SHISA9: variants seen among roughly 807,000 people sequenced by gnomAD.
The protein encoded by SHISA9 is protein shisa-9.
A neutral mutation model predicts 38.0 loss-of-function variants in SHISA9; 13 were observed. The ratio of observed to expected loss-of-function variants is 0.34; its 90% confidence interval spans 0.22 to 0.54. SHISA9 has a LOEUF of 0.54. Ranked by LOEUF, SHISA9 falls within the 20% of genes least tolerant of loss-of-function variation. The pLI is 0.91. For missense variants in SHISA9, 538 were observed against 575.8 expected (o/e 0.93, Z 0.67); for synonymous variants, 275 against 242.0 (o/e 1.14, Z -1.27).
chr16:13,256,429 G>A, the SHISA9 span, among the ~76,000 whole-genome samples: 35 of 152,272 alleles, frequency 2.3e-4, no homozygotes, highest in African/African-American at 5.8e-4. Flanking sequence ...TTACAGGCAC[G>A]GGCCACCATG....
the SHISA9 span, among the ~76,000 whole-genome samples, chr16:13,308,936 AAAG>A: frequency 6.6e-6 from 1 of 152,240 alleles, no homozygotes; most frequent in African/African-American, 2.4e-5. Flanking sequence ...TGGATTGGAC[AAAG>A]AATAGTTAGT....
At chr16:13,152,362 G>A (rs569404304) in intron 2 of SHISA9, among the ~76,000 whole-genome samples, 6 of 152,272 alleles carry the variant, frequency 3.9e-5, no homozygotes, top group Admixed American at 1.3e-4. Context: ...ATTTGAATTT[G>A]AGGCTGCCAA....
the SHISA9 span, among the ~76,000 whole-genome samples, chr16:13,389,790 G>T: frequency 1.3e-5 from 2 of 152,194 alleles, no homozygotes; most frequent in African/African-American, 2.4e-5. Flanking sequence ...CTGATTTGCT[G>T]TGGAGGCTGC....
At chr16:13,169,366 C>T (rs1174622870) in intron 2 of SHISA9, among the ~76,000 whole-genome samples, 1 of 152,142 alleles carries the variant, frequency 6.6e-6, no homozygotes, top group Non-Finnish European at 1.5e-5. Flanking sequence ...TTGGCTGGGT[C>T]AGAATGCCAG....
intron 2 of SHISA9, among the ~76,000 whole-genome samples, chr16:13,078,956 A>G (rs1385449868): frequency 2.0e-5 from 3 of 152,164 alleles, no homozygotes; most frequent in Non-Finnish European, 4.4e-5. Context: ...AAGAAGCATA[A>G]CAGAATAGAT....
chr16:13,008,833 T>A (rs990814504), intron 2 of SHISA9, among the ~76,000 whole-genome samples: 1 of 152,090 alleles, frequency 6.6e-6, no homozygotes, highest in Non-Finnish European at 1.5e-5. Context: ...GTCTTAAGTA[T>A]GTCTTTAGAG....
At chr16:13,075,874 G>A (rs991745044) in intron 2 of SHISA9, among the ~76,000 whole-genome samples, 17 of 152,004 alleles carry the variant, frequency 1.1e-4, no homozygotes, top group Non-Finnish European at 2.1e-4. Flanking sequence ...TTGTTGCGGA[G>A]GATGGCCCTG....
the SHISA9 span, among the ~76,000 whole-genome samples, chr16:13,540,101 G>GCAA: frequency 6.6e-6 from 1 of 152,012 alleles, no homozygotes; most frequent in African/African-American, 2.4e-5. Context: ...GACTCCAAAA[G>GCAA]CAACAGTCTT....
chr16:13,367,633 G>A, the SHISA9 span, among the ~76,000 whole-genome samples: 1 of 115,326 alleles, frequency 8.7e-6, no homozygotes, highest in Non-Finnish European at 1.8e-5. Context: ...CTAACACAAG[G>A]TTAAATAGCA....
the SHISA9 span, among the ~76,000 whole-genome samples, chr16:13,473,527 T>C: frequency 2.0e-5 from 3 of 152,072 alleles, no homozygotes; most frequent in South Asian, 2.1e-4. Flanking sequence ...AGTTGAATAA[T>C]TGATTTTTCC....
intron 2 of SHISA9, among the ~76,000 whole-genome samples, chr16:13,024,037 T>G (rs778007052): frequency 6.6e-6 from 1 of 152,238 alleles, no homozygotes; most frequent in Non-Finnish European, 1.5e-5. Context: ...ATGCCTTTTA[T>G]GTGCGAGGAA....
rs138613947 is a variant in SHISA9 at position 13,034,936 on chromosome 16, T to G, written c.691+118121T>G. ...TGAGCTAAGCTGAGACTGAAAGATC[T>G]GCCCAGCTGATCCTAGACTAAATAA... On this transcript the variant is annotated intron_variant, in intron 2 of 4. Coordinates refer to ENST00000558583, the MANE Select transcript of SHISA9 (RefSeq NM_001145204.3). 1.1e-3 allele frequency among the ~76,000 whole-genome samples: 160 copies of G among 152,318 alleles called. 3 individuals carry two copies. Among genetic ancestry groups the G allele is most frequent in the African/African-American group, 3.8e-3 (157 of 41,574 alleles).
At chr16:13,466,558 AGTTGTTGTT>A in the SHISA9 span, among the ~76,000 whole-genome samples, 1 of 152,120 alleles carries the variant, frequency 6.6e-6, no homozygotes, top group Non-Finnish European at 1.5e-5. Context: ...CAGAATGGGT[AGTTGTTGTT>A]GTTGTTGTTG....
chr16:13,102,807 T>C (rs910565816), intron 2 of SHISA9, among the ~76,000 whole-genome samples: 4 of 152,146 alleles, frequency 2.6e-5, no homozygotes, highest in African/African-American at 4.8e-5. Flanking sequence ...CCCAATGTAG[T>C]CGCTGTTCCG....
intron 2 of SHISA9, among the ~76,000 whole-genome samples, chr16:13,094,174 A>G (rs1207155022): frequency 6.6e-6 from 1 of 152,190 alleles, no homozygotes; most frequent in Non-Finnish European, 1.5e-5. Flanking sequence ...AAGGTAAAGT[A>G]TGACAAATTT....
chr16:13,027,450 C>A (rs983573384), intron 2 of SHISA9, among the ~76,000 whole-genome samples: 1 of 152,086 alleles, frequency 6.6e-6, no homozygotes, highest in Non-Finnish European at 1.5e-5. Context: ...CTGTATCTAT[C>A]CAAGAGAATT....
At chr16:13,468,073 C>T in the SHISA9 span, among the ~76,000 whole-genome samples, 1 of 152,000 alleles carries the variant, frequency 6.6e-6, no homozygotes, top group African/African-American at 2.4e-5. Context: ...TCTTCCTGTT[C>T]TTCTGTCAGA....
chr16:13,373,709 C>T, the SHISA9 span, among the ~76,000 whole-genome samples: 4 of 149,334 alleles, frequency 2.7e-5, no homozygotes, highest in South Asian at 4.2e-4. Flanking sequence ...TTGCAGTGAC[C>T]GAGATTGCAC....
chr16:12,949,527 A>C (rs1405256752), intron 2 of SHISA9, among the ~76,000 whole-genome samples: 1 of 152,254 alleles, frequency 6.6e-6, no homozygotes, highest in Non-Finnish European at 1.5e-5. Context: ...AGCATGTGAC[A>C]TGTGGCTAGT....
Sources: gnomAD v4.1 joint callset for allele counts (sites outside exome capture counted in the v4.1 genomes callset) on GRCh38, gnomAD v4.1.1 for gene constraint, MANE v1.5 for transcripts, NCBI Gene and HGNC (gene_info 2026-07-23, HGNC 2026-07-21) for gene names.